KSR2: variants seen among roughly 807,000 people sequenced by gnomAD.
KSR2 encodes kinase suppressor of ras 2.
A neutral mutation model predicts 107.8 loss-of-function variants in KSR2; 25 were observed. That is an observed-to-expected ratio of 0.23 (90% CI 0.17 to 0.32). The LOEUF is 0.32. Ranked by LOEUF, KSR2 falls within the 10% of genes least tolerant of loss-of-function variation. The pLI is 1.00. For synonymous variants in KSR2, 480 were observed against 507.0 expected (o/e 0.95, Z 0.71); for missense variants, 887 against 1,268.9 (o/e 0.70, Z 4.57).
At position 117,464,718 on chromosome 12, in the gene KSR2, G is replaced by T. The variant is rs896820552; in HGVS notation, c.*2481C>A. On this transcript the variant is annotated 3_prime_UTR_variant, in exon 20 of 20. Transcript: ENST00000339824. The stretch of plus-strand genomic sequence containing the variant: ...CTGGCTGCAGCAGAGACCAATGCAG[G>T]TGGGGACAGAGTAGTGAAGTGGGGA... 12 of 152,376 alleles carry T rather than the reference G, an allele frequency of 7.9e-5. No individual in the cohort carries two copies. Among genetic ancestry groups the T allele is most frequent in the African/African-American group, 2.7e-4 (11 of 41,442 alleles). The allele number at this position is 152,376 out of a possible 1,614,324, so 9.4% of individuals were successfully genotyped here.
At position 117,461,244 on chromosome 12, in the gene KSR2, C is replaced by T. The variant is rs1242306071; in HGVS notation, c.*5955G>A. ...GAGCTATGATCACGCTGTACTCCAG[C>T]CTGGGTGACAGAGCAAGACTCTAAC... On this transcript the variant is annotated 3_prime_UTR_variant, in exon 20 of 20. Coordinates refer to ENST00000339824, the MANE Select transcript of KSR2 (RefSeq NM_173598.6). 6.6e-6 allele frequency: 1 copy of T among 152,282 alleles called. No individual in the cohort carries two copies. The highest frequency in any genetic ancestry group is 1.5e-5 in the Non-Finnish European group (1 of 68,130). 9.4% of individuals were successfully genotyped at this position (152,282 alleles called of 1,614,324 possible).
At chr12:117,468,776 A>G (rs1871278075) in intron 19 of KSR2, among the ~76,000 whole-genome samples, 1 of 152,208 alleles carries the variant, frequency 6.6e-6, no homozygotes, top group African/African-American at 2.4e-5. Flanking sequence ...CTGGCTATGT[A>G]TGCAGGCTTC....
chr12:117,681,201 T>C (rs900479296), intron 4 of KSR2, among the ~76,000 whole-genome samples: 9 of 152,108 alleles, frequency 5.9e-5, no homozygotes, highest in African/African-American at 1.9e-4. Context: ...GCCCAGGAGG[T>C]GGAGGCTGCA....
intron 12 of KSR2, among the ~76,000 whole-genome samples, chr12:117,530,097 G>T (rs949299632): frequency 6.6e-6 from 1 of 152,080 alleles, no homozygotes; most frequent in Non-Finnish European, 1.5e-5. Context: ...TGTGATGTTT[G>T]GCATAAAGAT....
intron 14 of KSR2, among the ~76,000 whole-genome samples, chr12:117,497,663 C>T (rs1873116850): frequency 6.6e-6 from 1 of 152,212 alleles, no homozygotes; most frequent in South Asian, 2.1e-4. Flanking sequence ...GGAGCATACA[C>T]TTTAGAATCA....
intron 3 of KSR2, among the ~76,000 whole-genome samples, chr12:117,782,028 C>A (rs1461498505): frequency 6.6e-6 from 1 of 152,202 alleles, no homozygotes; most frequent in Non-Finnish European, 1.5e-5. Flanking sequence ...TAGTTACCAA[C>A]CCTGTAGGGC....
In KSR2 at chr12:117,555,172, G is replaced by T; in HGVS notation, c.1515C>A (p.Asn505Lys). The T allele has an allele frequency of 6.2e-7, 1 of 1,613,920 alleles. No homozygotes were observed. The highest frequency in any genetic ancestry group is 8.5e-7 in the Non-Finnish European group (1 of 1,179,872). ...SQTLPKTNKI[N>K]KDHIPVPYQP... Reference sequence around the variant, plus strand: ...CCCAGGGGAAGCCCAGCCTTACCTTGTTGATTTTGTTGGTTTTGGGGAGCG... The same window carrying T: ...CCCAGGGGAAGCCCAGCCTTACCTTTTTGATTTTGTTGGTTTTGGGGAGCG... The change falls in exon 9 of 20, where the codon AAC (asparagine) becomes AAA (lysine). Residue 505 changes from asparagine to lysine, a missense_variant. By Grantham distance (94) the Asn-to-Lys change is moderately conservative (BLOSUM62 0). This residue lies in a region of KSR2 where 60 missense variants were observed against 77.5 expected (regional missense o/e 0.77). Coordinates refer to ENST00000339824, the MANE Select transcript of KSR2 (RefSeq NM_173598.6).
chr12:117,931,273 C>T (rs577829382), intron 1 of KSR2, among the ~76,000 whole-genome samples: 7 of 152,276 alleles, frequency 4.6e-5, no homozygotes, highest in African/African-American at 1.7e-4. Flanking sequence ...TGTTCCTAGG[C>T]AGCCATCGAA....
intron 5 of KSR2, among the ~76,000 whole-genome samples, chr12:117,623,150 C>A (rs1204195415): frequency 6.6e-6 from 1 of 152,192 alleles, no homozygotes; most frequent in Non-Finnish European, 1.5e-5. Flanking sequence ...ATGGTAGATA[C>A]CAATGAACAC....
intron 3 of KSR2, among the ~76,000 whole-genome samples, chr12:117,797,251 G>A (rs1890665936): frequency 6.6e-6 from 1 of 152,168 alleles, no homozygotes; most frequent in African/African-American, 2.4e-5. Context: ...ATCAACAGAG[G>A]AATGGATAAT....
intron 4 of KSR2, among the ~76,000 whole-genome samples, chr12:117,684,997 A>T (rs183746475): frequency 6.6e-6 from 1 of 152,120 alleles, no homozygotes; most frequent in Non-Finnish European, 1.5e-5. Context: ...TAGACTCGCA[A>T]TCTGGGAGGG....
At chr12:117,618,353 C>A (rs148951895) in intron 5 of KSR2, among the ~76,000 whole-genome samples, 47 of 152,090 alleles carry the variant, frequency 3.1e-4, no homozygotes, top group Non-Finnish European at 5.0e-4. Context: ...TGAGCACCAA[C>A]ATTTGTCCCT....
At chr12:117,697,120 C>A (rs1886097115) in intron 4 of KSR2, among the ~76,000 whole-genome samples, 1 of 152,212 alleles carries the variant, frequency 6.6e-6, no homozygotes. Context: ...ACAAACGAAG[C>A]TGCTTTCCTC....
intron 3 of KSR2, among the ~76,000 whole-genome samples, chr12:117,810,352 C>T (rs1891152425): frequency 6.6e-6 from 1 of 152,022 alleles, no homozygotes; most frequent in Non-Finnish European, 1.5e-5. Context: ...GCTCTGTCAC[C>T]CAGGCTAGAG....
chr12:117,922,177 A>C (rs935803440), intron 1 of KSR2, among the ~76,000 whole-genome samples: 1 of 152,204 alleles, frequency 6.6e-6, no homozygotes, highest in Non-Finnish European at 1.5e-5. Flanking sequence ...ACCTATCTGA[A>C]GACAGGGCAA....
At chr12:117,847,153 C>T (rs1892734970) in intron 3 of KSR2, among the ~76,000 whole-genome samples, 1 of 152,222 alleles carries the variant, frequency 6.6e-6, no homozygotes. Flanking sequence ...ACCCTGTGGG[C>T]TCCGGGAGGA....
At chr12:117,476,641 TG>T in intron 16 of KSR2, 46 bp from the exon 17 acceptor site, 1 of 1,571,054 alleles carries the variant, frequency 6.4e-7, no homozygotes. Context: ...TAGCCCAGGG[TG>T]GACCAGTCCC....
At chr12:117,767,846 CA>C (rs1889299372) in intron 3 of KSR2, among the ~76,000 whole-genome samples, 1 of 151,406 alleles carries the variant, frequency 6.6e-6, no homozygotes, top group Admixed American at 6.6e-5. Context: ...GAGGACTTCC[CA>C]GGGTTTTGCT....
At chr12:117,616,852 C>A in intron 5 of KSR2, among the ~76,000 whole-genome samples, 1 of 152,192 alleles carries the variant, frequency 6.6e-6, no homozygotes, top group South Asian at 2.1e-4. Flanking sequence ...GATAGAAAGC[C>A]AGGCTCCATG....
Sources: gnomAD v4.1 joint callset for allele counts (sites outside exome capture counted in the v4.1 genomes callset) on GRCh38, gnomAD v4.1.1 for gene constraint, gnomAD v4.1.1 regional missense constraint, MANE v1.5 for transcripts, NCBI Gene and HGNC (gene_info 2026-07-23, HGNC 2026-07-21) for gene names.